FSTL5: variants seen among roughly 807,000 people sequenced by gnomAD.
FSTL5 encodes follistatin like 5, also known as follistatin-related protein 5.
A neutral mutation model predicts 89.1 loss-of-function variants in FSTL5; 62 were observed. That is an observed-to-expected ratio of 0.70 (90% CI 0.57 to 0.86). The LOEUF is 0.86. Ranked by LOEUF, FSTL5 falls within the 40% of genes least tolerant of loss-of-function variation. The pLI is 0.00. For synonymous variants in FSTL5, 383 were observed against 346.2 expected, an observed-to-expected ratio of 1.11 and a Z score of -1.18; for missense variants, 1,057 against 1,001.6, an observed-to-expected ratio of 1.06 and a Z score of -0.75.
chr4:161,390,655 CTCATGATTGCAAGCAAT>C (rs1251899255), intron 15 of FSTL5, among the ~76,000 whole-genome samples: 3 of 152,064 alleles, frequency 2.0e-5, no homozygotes. Context: ...CTGAAGAAAT[CTCATGATTGCAAGCAAT>C]TCCCTGTGTC....
At chr4:161,421,452 A>C (rs781340838) in intron 15 of FSTL5, among the ~76,000 whole-genome samples, 3 of 152,162 alleles carry the variant, frequency 2.0e-5, no homozygotes, top group Non-Finnish European at 2.9e-5. Context: ...AGTTCTACAC[A>C]AGATAGTTGT....
intron 7 of FSTL5, among the ~76,000 whole-genome samples, chr4:161,631,644 A>G (rs766166810): frequency 1.3e-5 from 2 of 152,154 alleles, no homozygotes; most frequent in Non-Finnish European, 2.9e-5. Flanking sequence ...AATTCAGATG[A>G]CACATAACAC....
rs1239466174 is a variant in FSTL5 at position 161,835,886 on chromosome 4, G to A, written c.410-59812C>T. 9.9e-5 allele frequency among the ~76,000 whole-genome samples: 15 copies of A among 150,864 alleles called. 1 individual carries two copies. In the South Asian group the frequency reaches 1.0e-3, roughly 11 times the overall value. On this transcript the variant is annotated intron_variant, in intron 4 of 15. Transcript: ENST00000306100. The stretch of plus-strand genomic sequence containing the variant: ...GTAAACTAGTTCAACCATTGTGGAA[G>A]TCAGTGTGGCGATTCCTCAGGGATC...
chr4:162,030,497 C>G (rs1194520909), intron 3 of FSTL5, among the ~76,000 whole-genome samples: 1 of 151,948 alleles, frequency 6.6e-6, no homozygotes, highest in African/African-American at 2.4e-5. Context: ...TTATTTTTAT[C>G]ACTTCTGAAT....
intron 1 of FSTL5, among the ~76,000 whole-genome samples, chr4:162,152,152 C>T (rs1486005138): frequency 6.6e-6 from 1 of 152,130 alleles, no homozygotes; most frequent in African/African-American, 2.4e-5. Context: ...TGTAGAGAAA[C>T]AGGGCACTGG....
intron 7 of FSTL5, among the ~76,000 whole-genome samples, chr4:161,611,192 ATATGTG>A (rs1459892505): frequency 1.4e-5 from 2 of 141,282 alleles, no homozygotes; most frequent in African/African-American, 5.5e-5. Context: ...ATATATGTGT[ATATGTG>A]TATATATATG....
intron 3 of FSTL5, among the ~76,000 whole-genome samples, chr4:161,976,479 T>TTTG (rs537524830): frequency 1.1e-4 from 16 of 151,942 alleles, no homozygotes; most frequent in African/African-American, 2.7e-4. Context: ...TTAAGTTGGT[T>TTTG]TTGTTGTTGT....
At chr4:162,017,825 G>T (rs941305665) in intron 3 of FSTL5, among the ~76,000 whole-genome samples, 4 of 152,110 alleles carry the variant, frequency 2.6e-5, no homozygotes, top group African/African-American at 9.7e-5. Context: ...TTCTTCCAGA[G>T]TCCCTTATTT....
chr4:161,487,583 T>G (rs1729722996), intron 12 of FSTL5, among the ~76,000 whole-genome samples: 2 of 152,080 alleles, frequency 1.3e-5, no homozygotes, highest in African/African-American at 4.8e-5. Context: ...TACCTACTGG[T>G]TTTACAAGAG....
At chr4:162,015,941 C>T (rs1578949318) in intron 3 of FSTL5, among the ~76,000 whole-genome samples, 1 of 152,140 alleles carries the variant, frequency 6.6e-6, no homozygotes, top group Non-Finnish European at 1.5e-5. Context: ...TTTTACTCTA[C>T]TTTCTTCAAT....
chr4:162,049,713 A>C (rs1262799176), intron 2 of FSTL5, among the ~76,000 whole-genome samples: 1 of 152,116 alleles, frequency 6.6e-6, no homozygotes, highest in African/African-American at 2.4e-5. Context: ...GCAGATGAAA[A>C]TAACTAGATC....
intron 2 of FSTL5, among the ~76,000 whole-genome samples, chr4:162,108,034 T>C (rs931144296): frequency 6.6e-6 from 1 of 152,148 alleles, no homozygotes; most frequent in Non-Finnish European, 1.5e-5. Flanking sequence ...AATCCACTTT[T>C]GGAATTTGGA....
At chr4:162,134,311 G>C (rs1561037905) in intron 1 of FSTL5, among the ~76,000 whole-genome samples, 1 of 152,102 alleles carries the variant, frequency 6.6e-6, no homozygotes, top group Non-Finnish European at 1.5e-5. Context: ...GGACCTAGAG[G>C]TGTACTGAGT....
chr4:161,912,426 TG>T (rs1446762457), intron 4 of FSTL5, among the ~76,000 whole-genome samples: 1 of 152,158 alleles, frequency 6.6e-6, no homozygotes, highest in Non-Finnish European at 1.5e-5. Flanking sequence ...GTCTTTCCTG[TG>T]CTATTCTCAT....
chr4:161,792,174 A>G (rs60986633), intron 4 of FSTL5, among the ~76,000 whole-genome samples: 21,251 of 152,148 alleles, frequency 0.14, 2,848 homozygotes, highest in African/African-American at 0.35. Flanking sequence ...AGCCGAGCCC[A>G]GGCACTATCA....
At chr4:161,784,371 A>C (rs905783419) in intron 4 of FSTL5, among the ~76,000 whole-genome samples, 1 of 152,114 alleles carries the variant, frequency 6.6e-6, no homozygotes, top group Non-Finnish European at 1.5e-5. Context: ...TATATGAAAT[A>C]TATATTTTTA....
At chr4:161,584,868 G>C (rs1455147317) in intron 8 of FSTL5, among the ~76,000 whole-genome samples, 2 of 152,074 alleles carry the variant, frequency 1.3e-5, no homozygotes, top group Non-Finnish European at 2.9e-5. Flanking sequence ...AATGTTATGG[G>C]ACATAATGGA....
At chr4:161,457,004 G>A (rs1392482534) in intron 14 of FSTL5, among the ~76,000 whole-genome samples, 3 of 152,112 alleles carry the variant, frequency 2.0e-5, no homozygotes. Flanking sequence ...TAATTCTAGG[G>A]TCCCACTTCT....
At chr4:161,470,110 G>C (rs982659509) in intron 13 of FSTL5, among the ~76,000 whole-genome samples, 7 of 151,984 alleles carry the variant, frequency 4.6e-5, no homozygotes, top group African/African-American at 1.7e-4. Context: ...AAATTATTAA[G>C]TCCAATTTAT....
Sources: gnomAD v4.1 joint callset for allele counts (sites outside exome capture counted in the v4.1 genomes callset) on GRCh38, gnomAD v4.1.1 for gene constraint, MANE v1.5 for transcripts, NCBI Gene and HGNC (gene_info 2026-07-23, HGNC 2026-07-21) for gene names.